IQCM: variants seen among roughly 807,000 people sequenced by gnomAD.
The protein encoded by IQCM is IQ domain-containing protein M.
A neutral mutation model predicts 57.6 loss-of-function variants in IQCM; 45 were observed. The ratio of observed to expected loss-of-function variants is 0.78; its 90% CI spans 0.62 to 1.00. The LOEUF is 1.00. Among genes scored for constraint, IQCM ranks in the 50% least tolerant of loss-of-function variants. The probability of loss-of-function intolerance (pLI) is 0.00; values close to 1 mark genes in which losing one functional copy is unlikely to be tolerated. For missense variants in IQCM, 468 were observed against 511.6 expected, an observed-to-expected ratio of 0.91 and a Z score of 0.82; for synonymous variants, 148 against 158.9, an observed-to-expected ratio of 0.93 and a Z score of 0.51.
chr4:149,727,477 A>G (rs575856292), intron 5 of IQCM, among the ~76,000 whole-genome samples: 5 of 152,316 alleles, frequency 3.3e-5, no homozygotes, highest in African/African-American at 1.2e-4. Flanking sequence ...CAGTATTTTT[A>G]AAGTGATATT....
intron 13 of IQCM, among the ~76,000 whole-genome samples, chr4:149,358,770 G>A (rs1729197697): frequency 6.9e-6 from 1 of 145,768 alleles, no homozygotes; most frequent in Non-Finnish European, 1.5e-5. Flanking sequence ...AGTTTTTTTG[G>A]TTGTAGGCTG....
At chr4:149,802,682 T>A (rs187048392) in intron 2 of IQCM, among the ~76,000 whole-genome samples, 1 of 152,152 alleles carries the variant, frequency 6.6e-6, no homozygotes, top group African/African-American at 2.4e-5. Flanking sequence ...TCTTTTAGGA[T>A]GACAAATGTA....
chr4:149,749,387 G>T (rs1768221103), intron 2 of IQCM, among the ~76,000 whole-genome samples: 2 of 152,160 alleles, frequency 1.3e-5, no homozygotes, highest in Admixed American at 6.5e-5. Flanking sequence ...TATATTCAAA[G>T]ACATAGTATA....
chr4:149,771,797 C>T (rs1770607772), intron 2 of IQCM, among the ~76,000 whole-genome samples: 1 of 152,088 alleles, frequency 6.6e-6, no homozygotes, highest in South Asian at 2.1e-4. Flanking sequence ...AATGAATTAT[C>T]ATGACAATAT....
chr4:149,553,759 G>A (rs1248476010), intron 10 of IQCM, among the ~76,000 whole-genome samples: 1 of 151,578 alleles, frequency 6.6e-6, no homozygotes, highest in South Asian at 2.1e-4. Context: ...TTTTGTTGTT[G>A]TTGATTTCTA....
At chr4:149,719,132 G>T (rs912311758) in intron 5 of IQCM, among the ~76,000 whole-genome samples, 1 of 151,940 alleles carries the variant, frequency 6.6e-6, no homozygotes, top group African/African-American at 2.4e-5. Context: ...ATCACCTGAG[G>T]TCAGGAGTTC....
At chr4:149,617,961 C>T (rs1755948339) in intron 8 of IQCM, among the ~76,000 whole-genome samples, 1 of 152,098 alleles carries the variant, frequency 6.6e-6, no homozygotes. Context: ...AATACAATTC[C>T]TATCAAATTA....
chr4:149,790,112 C>T, intron 2 of IQCM: 1 of 678,752 alleles, frequency 1.5e-6, no homozygotes, highest in Non-Finnish European at 2.3e-6. Context: ...AAAAGAACAG[C>T]CCTTATTTAC....
chr4:149,720,263 A>G (rs1311527940), intron 5 of IQCM, among the ~76,000 whole-genome samples: 3 of 152,190 alleles, frequency 2.0e-5, no homozygotes, highest in Non-Finnish European at 4.4e-5. Context: ...GCAGAAGAAA[A>G]ATGGTAAAAA....
chr4:149,713,648 G>A (rs1764747204), intron 5 of IQCM, among the ~76,000 whole-genome samples: 1 of 152,100 alleles, frequency 6.6e-6, no homozygotes, highest in Non-Finnish European at 1.5e-5. Context: ...TGAGAAACTA[G>A]AAGCAATCAG....
chr4:149,511,059 T>A (rs1744357147), intron 12 of IQCM, among the ~76,000 whole-genome samples: 1 of 152,212 alleles, frequency 6.6e-6, no homozygotes, highest in Non-Finnish European at 1.5e-5. Flanking sequence ...GCCAGCCTCC[T>A]TAACATGACC....
At chr4:149,699,430 G>A (rs894716138) in intron 5 of IQCM, among the ~76,000 whole-genome samples, 9 of 151,888 alleles carry the variant, frequency 5.9e-5, no homozygotes, top group Non-Finnish European at 1.3e-4. Context: ...TCTTCCCCGG[G>A]TTACCCTCTC....
Position 149,553,167 on chromosome 4 carries a change from C to G in IQCM, c.1069G>C (p.Glu357Gln). 8.1e-7 allele frequency: 1 copy of G among 1,232,020 alleles called. No homozygotes were observed. The highest frequency in any genetic ancestry group is 4.1e-5 in the South Asian group (1 of 24,312). The allele number at this position is 1,232,020 out of a possible 1,614,324, so 76.3% of individuals were successfully genotyped here. ...TRQILNLAELEEWMDRKKFYE... is the reference protein window; with the variant it reads ...TRQILNLAELQEWMDRKKFYE... The stretch of plus-strand genomic sequence containing the variant: ...CATTTTTTTCGGTCCATCCACTCCT[C>G]TAGCTCTGCTAAGTTGAGAATTTGT... The change falls in exon 11 of 14, where the codon GAG (glutamate) becomes CAG (glutamine). Residue 357 changes from glutamate to glutamine, a missense_variant. By Grantham distance (29) the Glu-to-Gln change is conservative (BLOSUM62 2). Transcript: ENST00000636793.
intron 12 of IQCM, among the ~76,000 whole-genome samples, chr4:149,527,361 T>A (rs1164459393): frequency 6.6e-6 from 1 of 152,180 alleles, no homozygotes; most frequent in East Asian, 1.9e-4. Flanking sequence ...CCCAATGTGA[T>A]AGTATTAGCA....
intron 8 of IQCM, among the ~76,000 whole-genome samples, chr4:149,590,672 A>C (rs1380536734): frequency 6.6e-6 from 1 of 151,276 alleles, no homozygotes; most frequent in African/African-American, 2.4e-5. Context: ...TCATTGTTCA[A>C]CTCCCACTTA....
At chr4:149,479,685 T>C (rs898221105) in intron 12 of IQCM, among the ~76,000 whole-genome samples, 2 of 152,122 alleles carry the variant, frequency 1.3e-5, no homozygotes, top group South Asian at 2.1e-4. Flanking sequence ...CTGAGTATGG[T>C]AGACATCTGC....
intron 7 of IQCM, among the ~76,000 whole-genome samples, chr4:149,658,093 C>CTGTGAAGCATTTT: frequency 6.6e-6 from 1 of 152,114 alleles, no homozygotes; most frequent in Middle Eastern, 3.4e-3. Flanking sequence ...CAGCTCAATG[C>CTGTGAAGCATTTT]TGTGAAGCAT....
At chr4:149,452,349 A>T (rs576905940) in intron 12 of IQCM, among the ~76,000 whole-genome samples, 1 of 151,638 alleles carries the variant, frequency 6.6e-6, no homozygotes, top group South Asian at 2.1e-4. Context: ...ATGATTCTAA[A>T]ATATATATGA....
At chr4:149,408,644 G>T (rs1373790238) in intron 13 of IQCM, among the ~76,000 whole-genome samples, 4 of 152,054 alleles carry the variant, frequency 2.6e-5, no homozygotes, top group Admixed American at 2.6e-4. Flanking sequence ...ATATGTTTTT[G>T]ATTATTATCC....
Sources: gnomAD v4.1 joint callset for allele counts (sites outside exome capture counted in the v4.1 genomes callset) on GRCh38, gnomAD v4.1.1 for gene constraint, MANE v1.5 for transcripts, NCBI Gene and HGNC (gene_info 2026-07-23, HGNC 2026-07-21) for gene names.